CSMD1: variants seen among roughly 807,000 people sequenced by gnomAD.
CSMD1 encodes the protein CUB and Sushi multiple domains 1, also known as CUB and sushi domain-containing protein 1.
CSMD1 carries 213 observed loss-of-function variants against 417.5 expected under a neutral mutation model. That is an observed-to-expected ratio of 0.51 (90% confidence interval 0.46 to 0.57). CSMD1 has a LOEUF of 0.57. Ranked by LOEUF, CSMD1 falls within the 20% of genes least tolerant of loss-of-function variation. The probability of loss-of-function intolerance (pLI) is 0.00; values close to 1 mark genes in which losing one functional copy is unlikely to be tolerated. For missense variants in CSMD1, 6,923 were observed against 4,529.7 expected (o/e 1.53, Z -15.17); for synonymous variants, 2,862 against 1,736.8 (o/e 1.65, Z -16.11).
At chr8:3,390,917 G>A (rs1346074161) in intron 17 of CSMD1, among the ~76,000 whole-genome samples, 1 of 151,938 alleles carries the variant, frequency 6.6e-6, no homozygotes, top group African/African-American at 2.4e-5. Flanking sequence ...TCAAAATAGA[G>A]GTTGAAAAGT....
At chr8:3,411,502 C>G (rs192314195) in intron 12 of CSMD1, among the ~76,000 whole-genome samples, 2 of 151,708 alleles carry the variant, frequency 1.3e-5, no homozygotes, top group Non-Finnish European at 2.9e-5. Flanking sequence ...GCCTTTGCAT[C>G]CTCATAGCTT....
intron 11 of CSMD1, among the ~76,000 whole-genome samples, chr8:3,475,807 G>A (rs1343045983): frequency 2.0e-5 from 3 of 152,200 alleles, no homozygotes; most frequent in Admixed American, 6.5e-5. Flanking sequence ...ATTTGTTCCT[G>A]CCTTACAACT....
intron 6 of CSMD1, among the ~76,000 whole-genome samples, chr8:3,748,769 A>G (rs2129052545): frequency 6.6e-6 from 1 of 152,336 alleles, no homozygotes; most frequent in East Asian, 1.9e-4. Flanking sequence ...GAAAGTCTTC[A>G]TTTGGTATAA....
At chr8:3,462,076 T>C (rs908512408) in intron 12 of CSMD1, among the ~76,000 whole-genome samples, 2 of 151,632 alleles carry the variant, frequency 1.3e-5, no homozygotes, top group African/African-American at 2.4e-5. Flanking sequence ...TGCTGGGCTG[T>C]ATTTGATCCC....
At chr8:4,714,725 T>A (rs1044070960) in intron 1 of CSMD1, among the ~76,000 whole-genome samples, 1 of 152,160 alleles carries the variant, frequency 6.6e-6, no homozygotes, top group African/African-American at 2.4e-5. Flanking sequence ...AATTTCCACT[T>A]GTAGAAATTA....
At chr8:4,075,640 G>C (rs574900667) in intron 3 of CSMD1, among the ~76,000 whole-genome samples, 4 of 152,154 alleles carry the variant, frequency 2.6e-5, no homozygotes, top group African/African-American at 4.8e-5. Flanking sequence ...CTCACACTGT[G>C]TTGGGGAAAT....
In CSMD1 at chr8:4,994,821, G is replaced by A. The variant is rs1468939281; in HGVS notation, c.-405C>T. ...CAGCGAGTGGGAGATGCGGGGAGGGGGGCGCGGGGGGGAGGAGAGATCCAG... is the reference window on the plus strand; with the variant it reads ...CAGCGAGTGGGAGATGCGGGGAGGGAGGCGCGGGGGGGAGGAGAGATCCAG... On this transcript the variant is annotated 5_prime_UTR_variant, in exon 1 of 70. Coordinates refer to ENST00000635120, the MANE Select transcript of CSMD1 (RefSeq NM_033225.6). 4 of 140,736 alleles carry A rather than the reference G, an allele frequency of 2.8e-5. No homozygotes were observed. The highest frequency in any genetic ancestry group is 4.2e-5 in the Non-Finnish European group (3 of 71,034). The allele number at this position is 140,736 out of a possible 1,614,324, so 8.7% of individuals were successfully genotyped here. A position where few individuals can be genotyped will look rare whatever the true frequency, so the allele number is the denominator to read the frequency against.
intron 3 of CSMD1, among the ~76,000 whole-genome samples, chr8:4,324,194 A>C (rs2036547): frequency 1.3e-5 from 2 of 152,106 alleles, no homozygotes; most frequent in Non-Finnish European, 2.9e-5. Flanking sequence ...AGAACAAAGT[A>C]AACTGTGTCA....
Position 2,955,715 on chromosome 8 carries a change from C to T in CSMD1, c.9868G>A (p.Asp3290Asn), listed in dbSNP as rs770023036. The part of the protein sequence containing the change: ...TPAHADVRAI[D>N]LPTFGYTLVY... ...AAGGTGTAGCCGAAAGTAGGAAGAT[C>T]GATGGCTCTCACATCCGCGTGTGCC... Residue 3290 changes from aspartate to asparagine, a missense_variant, in exon 64 of 70, where the codon GAT becomes AAT. Asp to Asn is a conservative substitution (Grantham distance 23). Coordinates refer to ENST00000635120, the MANE Select transcript of CSMD1 (RefSeq NM_033225.6). 14 of 1,613,716 alleles carry T rather than the reference C, an allele frequency of 8.7e-6. No individual in the cohort carries two copies. Among genetic ancestry groups the T allele is most frequent in the East Asian group, 4.5e-5 (2 of 44,892 alleles).
chr8:3,913,248 G>C (rs1020774373), intron 5 of CSMD1, among the ~76,000 whole-genome samples: 1 of 152,124 alleles, frequency 6.6e-6, no homozygotes, highest in Non-Finnish European at 1.5e-5. Context: ...GGAATCCTTG[G>C]CACGAGAATG....
intron 11 of CSMD1, among the ~76,000 whole-genome samples, chr8:3,470,534 G>T (rs1225086946): frequency 3.9e-5 from 6 of 152,020 alleles, no homozygotes; most frequent in Admixed American, 3.9e-4. Flanking sequence ...TTCGTATTTT[G>T]TATGTACATT....
intron 2 of CSMD1, among the ~76,000 whole-genome samples, chr8:4,522,786 A>G (rs529406046): frequency 1.3e-5 from 2 of 152,272 alleles, no homozygotes; most frequent in South Asian, 4.1e-4. Flanking sequence ...GGTAGCAGTG[A>G]TGTGGCAAGG....
At chr8:3,270,543 G>A (rs747793628) in intron 26 of CSMD1, among the ~76,000 whole-genome samples, 1 of 152,158 alleles carries the variant, frequency 6.6e-6, no homozygotes, top group Non-Finnish European at 1.5e-5. Context: ...AATTTTAAGT[G>A]ATCAAGAGTA....
At chr8:4,077,639 G>A (rs1253956151) in intron 3 of CSMD1, among the ~76,000 whole-genome samples, 1 of 151,764 alleles carries the variant, frequency 6.6e-6, no homozygotes, top group Non-Finnish European at 1.5e-5. Flanking sequence ...GATCCACCCG[G>A]GTGACAAAAG....
chr8:3,964,784 A>G (rs1428075672), intron 5 of CSMD1, among the ~76,000 whole-genome samples: 1 of 152,220 alleles, frequency 6.6e-6, no homozygotes, highest in Non-Finnish European at 1.5e-5. Context: ...TGTATCCAAC[A>G]ATTATTTGCT....
intron 2 of CSMD1, among the ~76,000 whole-genome samples, chr8:4,611,341 C>G (rs1182120011): frequency 1.3e-5 from 2 of 152,188 alleles, no homozygotes; most frequent in Non-Finnish European, 2.9e-5. Flanking sequence ...ACACAAAGCT[C>G]ACTTCATGGT....
rs184004468 is a variant in CSMD1, at chr8:4,067,540, T to A, written c.416-35441A>T. ...ATTTAACTTAATTTTGTTGTATAGC[T>A]TTACATGTACCTAAAGCCAGAATAA... is the stretch of plus-strand genomic sequence containing the variant. On this transcript the variant is annotated intron_variant, in intron 3 of 69. Coordinates refer to ENST00000635120, the MANE Select transcript of CSMD1 (RefSeq NM_033225.6). Among the ~76,000 whole-genome samples, 5 of 152,290 alleles carry A rather than the reference T, an allele frequency of 3.3e-5. No individual in the cohort carries two copies. In the East Asian group the frequency reaches 9.7e-4, roughly 29 times the overall value.
At chr8:4,871,350 T>G (rs1333185133) in intron 1 of CSMD1, among the ~76,000 whole-genome samples, 2 of 152,116 alleles carry the variant, frequency 1.3e-5, no homozygotes, top group African/African-American at 4.8e-5. Flanking sequence ...GCTATGCATA[T>G]TGATATAAAT....
intron 3 of CSMD1, among the ~76,000 whole-genome samples, chr8:4,067,324 G>A (rs557798103): frequency 4.6e-5 from 7 of 152,160 alleles, no homozygotes; most frequent in African/African-American, 9.7e-5. Context: ...GTTAAGTAAC[G>A]TTTTCAAGTA....
Sources: gnomAD v4.1 joint callset for allele counts (sites outside exome capture counted in the v4.1 genomes callset) on GRCh38, gnomAD v4.1.1 for gene constraint, MANE v1.5 for transcripts, NCBI Gene and HGNC (gene_info 2026-07-23, HGNC 2026-07-21) for gene names.